SNED1: variants seen among roughly 807,000 people sequenced by gnomAD.
SNED1 encodes sushi, nidogen and EGF-like domain-containing protein 1.
SNED1 carries 81 observed loss-of-function variants against 166.7 expected under a neutral mutation model. The observed-to-expected ratio is 0.49, with a 90% CI of 0.41 to 0.58. The LOEUF is 0.58. Ranked by LOEUF, SNED1 falls within the 20% of genes least tolerant of loss-of-function variation. The pLI, the probability that SNED1 is intolerant of heterozygous loss-of-function variation, is 0.00. For missense variants in SNED1, 1,604 were observed against 2,000.2 expected (o/e 0.80, Z 3.78); for synonymous variants, 762 against 822.0 (o/e 0.93, Z 1.25).
At position 241,075,955 on chromosome 2, in the gene SNED1, C is replaced by T. The variant is rs2063001370; in HGVS notation, c.3916+2591C>T. Among the ~76,000 whole-genome samples the T allele has an allele frequency of 6.6e-6, 1 of 152,194 alleles. No individual in the cohort carries two copies. The highest frequency in any genetic ancestry group is 2.1e-4 in the South Asian group (1 of 4,820). Reference sequence around the variant, plus strand: ...TGCTAAAAAGTCCCTTTTTCCCCCACTGTCAGTATCAAAATTCCACATATA... The same window carrying T: ...TGCTAAAAAGTCCCTTTTTCCCCCATTGTCAGTATCAAAATTCCACATATA... On this transcript the variant is annotated intron_variant, in intron 27 of 31. Transcript: ENST00000310397. This position sits in a 1 kb window ranked among gnomAD's most constrained non-coding sequence, Gnocchi z 4.8.
intron 14 of SNED1, 84 bp from the exon 15 acceptor site, chr2:241,052,271 C>A: frequency 7.0e-7 from 1 of 1,435,000 alleles, no homozygotes; most frequent in Non-Finnish European, 9.7e-7. Flanking sequence ...GGAGGTGGAG[C>A]TGGGTGCAGG....
intron 5 of SNED1, 82 bp from the exon 6 acceptor site, chr2:241,037,158 T>TC: frequency 8.0e-7 from 1 of 1,254,358 alleles, no homozygotes; most frequent in South Asian, 1.3e-5. Flanking sequence ...TCCTCCTCCG[T>TC]CCCCGGCCCA....
At chr2:241,063,093 G>C (rs2062294936) in intron 17 of SNED1, among the ~76,000 whole-genome samples, 189 bp downstream of exon 17, 1 of 152,252 alleles carries the variant, frequency 6.6e-6, no homozygotes, top group Admixed American at 6.5e-5. Flanking sequence ...ACCTCCCCAG[G>C]GGAGACTGAG....
At chr2:241,033,413 C>T (rs1372789171) in intron 2 of SNED1, 3 of 255,864 alleles carry the variant, frequency 1.2e-5, no homozygotes, top group Non-Finnish European at 2.2e-5. Flanking sequence ...TCATTTCACA[C>T]AGGAGATTTT....
chr2:241,007,594 C>T (rs2060256011), intron 1 of SNED1, among the ~76,000 whole-genome samples: 1 of 152,168 alleles, frequency 6.6e-6, no homozygotes, highest in Non-Finnish European at 1.5e-5. Flanking sequence ...TCCGTAATTC[C>T]ATCACCCAAA....
Position 241,067,899 on chromosome 2 carries a change from G to A in SNED1, c.3146G>A (p.Arg1049Lys), listed in dbSNP as rs755096605. The A allele has an allele frequency of 5.0e-6, 8 of 1,613,508 alleles. No individual in the cohort carries two copies. The South Asian group carries it at 8.8e-5, about 18-fold the overall frequency. Residue 1049 changes from arginine to lysine, a missense_variant, in exon 22 of 32, where the codon AGG becomes AAG. Arg to Lys is a conservative substitution (Grantham distance 26, BLOSUM62 2). Around this residue, in one of 2 missense-constraint regions of SNED1, gnomAD observed 1,237 missense variants for 1,620.8 expected, o/e 0.76. Transcript: ENST00000310397. The stretch of plus-strand genomic sequence containing the variant: ...TCCATCCGCCACCCTGAGGCCCTCA[G>A]GGACCAGGCCACCGATGTGGACAGG... ...RVSIRHPEALRDQATDVDRSV... is the reference protein window; with the variant it reads ...RVSIRHPEALKDQATDVDRSV...
intron 5 of SNED1, 140 bp from the exon 6 acceptor site, chr2:241,037,100 C>A (rs2061396522): frequency 2.0e-6 from 2 of 1,008,676 alleles, no homozygotes; most frequent in Non-Finnish European, 3.0e-6. Flanking sequence ...GAGTGAGCAC[C>A]ATGGGCGGGT....
intron 8 of SNED1, among the ~76,000 whole-genome samples, chr2:241,041,588 GGCTGGAGCATT>G (rs1470923692): frequency 3.3e-5 from 5 of 152,164 alleles, no homozygotes; most frequent in Non-Finnish European, 7.3e-5. Context: ...GGGAGGTTGA[GGCTGGAGCATT>G]GCTTGAACCC....
intron 3 of SNED1, 62 bp downstream of exon 3, chr2:241,033,937 A>C (rs2125004804): frequency 6.6e-7 from 1 of 1,519,114 alleles, no homozygotes; most frequent in East Asian, 2.4e-5. Context: ...CAGGACTGTC[A>C]TGAGCTGATG....
chr2:241,001,709 A>G (rs553127362), intron 1 of SNED1, among the ~76,000 whole-genome samples: 1 of 152,206 alleles, frequency 6.6e-6, no homozygotes, highest in East Asian at 1.9e-4. Context: ...GGAATGAGAG[A>G]CGAAATCTTC....
chr2:241,007,063 A>T (rs1427388236), intron 1 of SNED1, among the ~76,000 whole-genome samples: 1 of 152,280 alleles, frequency 6.6e-6, no homozygotes, highest in Non-Finnish European at 1.5e-5. Context: ...GTAAGTAAAT[A>T]AATGATGAAA....
intron 1 of SNED1, among the ~76,000 whole-genome samples, chr2:241,016,270 C>T (rs2060587773): frequency 7.0e-6 from 1 of 143,366 alleles, no homozygotes; most frequent in Non-Finnish European, 1.5e-5. Context: ...TCTTGGCTCA[C>T]TGCAAGCTCC....
chr2:241,056,450 A>C (rs754004780), intron 16 of SNED1, among the ~76,000 whole-genome samples: 2 of 151,306 alleles, frequency 1.3e-5, no homozygotes, highest in Non-Finnish European at 2.9e-5. Flanking sequence ...AACAAAATGG[A>C]TACAACAAAA....
intron 28 of SNED1, among the ~76,000 whole-genome samples, 172 bp downstream of exon 28, chr2:241,081,965 C>A (rs947982288): frequency 1.3e-5 from 2 of 152,200 alleles, no homozygotes; most frequent in Admixed American, 1.3e-4. Context: ...CGCTGCTGCC[C>A]CAAGCACCAG....
rs2064013969 is a variant in SNED1 at position 241,091,642 on chromosome 2, T to G, written c.*6T>G. 1 of 152,228 alleles carries G rather than the reference T, an allele frequency of 6.6e-6. No individual in the cohort carries two copies. The highest frequency in any genetic ancestry group is 2.4e-5 in the African/African-American group (1 of 41,454). 9.4% of individuals were successfully genotyped at this position (152,228 alleles called of 1,614,324 possible). A position where few individuals can be genotyped will look rare whatever the true frequency, so the allele number is the denominator to read the frequency against. Reference sequence around the variant, plus strand: ...CACTTTGTTTTTTCTTCAAAGGATTTAAGACGTTCTTGTTACACTCCACCA... The same window carrying G: ...CACTTTGTTTTTTCTTCAAAGGATTGAAGACGTTCTTGTTACACTCCACCA... On this transcript the variant is annotated 3_prime_UTR_variant, in exon 32 of 32. Coordinates refer to ENST00000310397, the MANE Select transcript of SNED1 (RefSeq NM_001080437.3). This position sits in a 1 kb window ranked among gnomAD's most constrained non-coding sequence, Gnocchi z 4.1.
At chr2:241,085,235 G>C (rs1010156086) in intron 29 of SNED1, among the ~76,000 whole-genome samples, 4 of 152,070 alleles carry the variant, frequency 2.6e-5, no homozygotes, top group Non-Finnish European at 5.9e-5. Flanking sequence ...TGGGACTCCA[G>C]TTATGCGTGT....
intron 29 of SNED1, among the ~76,000 whole-genome samples, chr2:241,085,288 A>G (rs2063522646): frequency 6.6e-6 from 1 of 152,128 alleles, no homozygotes; most frequent in Non-Finnish European, 1.5e-5. Flanking sequence ...GCTCTTCTCA[A>G]CTTTTTCAGT....
At chr2:241,049,629 A>T (rs2061767500) in intron 11 of SNED1, among the ~76,000 whole-genome samples, 188 bp from the exon 12 acceptor site, 1 of 152,178 alleles carries the variant, frequency 6.6e-6, no homozygotes, top group Admixed American at 6.5e-5. Flanking sequence ...CGAGAAAAAG[A>T]GAAATTCCAG....
rs552618470 is a variant in SNED1, at chr2:241,049,276, TC to T, written c.1618+142del. ...GAGCTGGCACCTGGGGAAGCCTCTC[TC>T]AATAGCCTTCCTGTAATATGGGGCT... On this transcript the variant is annotated intron_variant, in intron 11 of 31. Coordinates refer to ENST00000310397, the MANE Select transcript of SNED1 (RefSeq NM_001080437.3). The T allele has an allele frequency of 1.6e-4, 102 of 633,194 alleles. 2 individuals carry two copies. In the South Asian group the frequency reaches 1.9e-3, roughly 12 times the overall value. 39.2% of individuals were successfully genotyped at this position (633,194 alleles called of 1,614,324 possible).
Sources: gnomAD v4.1 joint callset for allele counts (sites outside exome capture counted in the v4.1 genomes callset) on GRCh38, gnomAD v4.1.1 for gene constraint, gnomAD v4.1.1 regional missense constraint, Gnocchi (gnomAD v3.1) non-coding constraint, MANE v1.5 for transcripts, NCBI Gene and HGNC (gene_info 2026-07-23, HGNC 2026-07-21) for gene names.